PLCL2: variants seen among roughly 807,000 people sequenced by gnomAD.
PLCL2 encodes phospholipase C like 2, also known as inactive phospholipase C-like protein 2.
PLCL2 carries 4 observed loss-of-function variants against 79.6 expected under a neutral mutation model. The ratio of observed to expected loss-of-function variants is 0.05; its 90% CI spans 0.02 to 0.11. The LOEUF is 0.11. Ranked by LOEUF, PLCL2 falls within the 10% of genes least tolerant of loss-of-function variation. The pLI is 1.00. For missense variants in PLCL2, 895 were observed against 1,291.0 expected (o/e 0.69, Z 4.70); for synonymous variants, 484 against 457.7 (o/e 1.06, Z -0.73).
chr3:17,033,743 C>T (rs1389685334), intron 3 of PLCL2, among the ~76,000 whole-genome samples: 1 of 152,196 alleles, frequency 6.6e-6, no homozygotes, highest in Non-Finnish European at 1.5e-5. Context: ...AGCTGCAACT[C>T]CTCCAACACC....
In PLCL2 at chr3:16,885,162, C is replaced by T. The variant is rs1410620003; in HGVS notation, c.123C>T (p.Arg41=). The change falls in exon 1 of 6, where the codon CGC becomes CGT. Residue 41 remains arginine (R), a synonymous_variant. Transcript: ENST00000615277. ...GVGEGGGGGG[R]LGHGRARYDS... ...GGGAAGGCGGTGGCGGGGGAGGTCG[C>T]CTCGGCCACGGGCGGGCGCGCTATG... is the stretch of plus-strand genomic sequence containing the variant. 5 of 530,698 alleles carry T rather than the reference C, an allele frequency of 9.4e-6. No individual in the cohort carries two copies. Among genetic ancestry groups the T allele is most frequent in the East Asian group, 3.5e-5 (1 of 28,598 alleles). The allele number at this position is 530,698 out of a possible 1,614,324, so 32.9% of individuals were successfully genotyped here. A position where few individuals can be genotyped will look rare whatever the true frequency, so the allele number is the denominator to read the frequency against.
At chr3:16,945,791 A>C (rs1256355227) in intron 1 of PLCL2, among the ~76,000 whole-genome samples, 2 of 152,244 alleles carry the variant, frequency 1.3e-5, no homozygotes, top group African/African-American at 4.8e-5. Flanking sequence ...GCAAATTTGT[A>C]GACCCTGGGG....
chr3:17,029,907 T>C (rs2064562795), intron 3 of PLCL2, among the ~76,000 whole-genome samples: 1 of 152,158 alleles, frequency 6.6e-6, no homozygotes, highest in African/African-American at 2.4e-5. Flanking sequence ...ACAGAAGATA[T>C]TCCCTGGCAT....
At chr3:16,956,902 T>C (rs1285215123) in intron 1 of PLCL2, among the ~76,000 whole-genome samples, 1 of 152,210 alleles carries the variant, frequency 6.6e-6, no homozygotes, top group African/African-American at 2.4e-5. Flanking sequence ...TTATTGCATC[T>C]ATTTGATTCT....
chr3:16,910,010 C>G (rs998899547), intron 1 of PLCL2, among the ~76,000 whole-genome samples: 1 of 152,162 alleles, frequency 6.6e-6, no homozygotes, highest in African/African-American at 2.4e-5. Flanking sequence ...CTGATCTCTC[C>G]ATCCACACAA....
At chr3:16,975,010 T>A (rs2063909703) in intron 1 of PLCL2, among the ~76,000 whole-genome samples, 1 of 152,206 alleles carries the variant, frequency 6.6e-6, no homozygotes, top group African/African-American at 2.4e-5. Context: ...TACAGGCTTC[T>A]AAGGTGAGCT....
At chr3:17,056,856 A>G (rs1225501703) in intron 4 of PLCL2, among the ~76,000 whole-genome samples, 1 of 152,216 alleles carries the variant, frequency 6.6e-6, no homozygotes, top group Admixed American at 6.5e-5. Context: ...TTTTGTTGTT[A>G]GGAAAGGAGG....
At chr3:16,933,819 G>A (rs1697469970) in intron 1 of PLCL2, among the ~76,000 whole-genome samples, 1 of 152,026 alleles carries the variant, frequency 6.6e-6, no homozygotes, top group Non-Finnish European at 1.5e-5. Context: ...TGTAATCCCA[G>A]CTCTCTTGGA....
intron 1 of PLCL2, among the ~76,000 whole-genome samples, chr3:16,944,572 C>T (rs1368381960): frequency 2.6e-5 from 4 of 152,052 alleles, no homozygotes; most frequent in African/African-American, 9.7e-5. Context: ...TTAGCACAGG[C>T]ACACAGAGAT....
rs1234896739 is a variant in PLCL2, at chr3:16,885,137, G to A, written c.98G>A (p.Gly33Glu). ...GAKGALKAGV[G>E]EGGGGGGRLG... The stretch of plus-strand genomic sequence containing the variant: ...AAGGGCGCCCTGAAAGCCGGAGTGG[G>A]GGAAGGCGGTGGCGGGGGAGGTCGC... Residue 33 changes from glycine to glutamate, a missense_variant, in exon 1 of 6, where the codon GGG (glycine) becomes GAG (glutamate). Physicochemically the swap from Gly to Glu is moderately conservative, Grantham distance 98. Around this residue, in one of 6 missense-constraint regions of PLCL2, gnomAD observed 110 missense variants for 42.9 expected, o/e 2.56. Coordinates refer to ENST00000615277, the MANE Select transcript of PLCL2 (RefSeq NM_001144382.2). The A allele has an allele frequency of 3.9e-6, 2 of 506,496 alleles. No homozygotes were observed. The highest frequency in any genetic ancestry group is 2.6e-5 in the South Asian group (1 of 38,478). 31.4% of individuals were successfully genotyped at this position (506,496 alleles called of 1,614,324 possible).
At chr3:16,894,339 C>T (rs894372456) in intron 1 of PLCL2, among the ~76,000 whole-genome samples, 1 of 152,106 alleles carries the variant, frequency 6.6e-6, no homozygotes, top group Non-Finnish European at 1.5e-5. Flanking sequence ...AGAATGTCTT[C>T]ATCTGTGGAG....
chr3:17,054,072 C>T (rs1217514494), intron 4 of PLCL2, among the ~76,000 whole-genome samples: 2 of 152,154 alleles, frequency 1.3e-5, no homozygotes, highest in African/African-American at 4.8e-5. Flanking sequence ...GGTCATTTCT[C>T]TTCCTGTGCA....
chr3:17,085,808 C>T (rs2065213674), intron 5 of PLCL2, among the ~76,000 whole-genome samples: 2 of 152,116 alleles, frequency 1.3e-5, no homozygotes, highest in South Asian at 4.1e-4. Flanking sequence ...AAACACATGA[C>T]CATTTACATT....
chr3:17,075,530 C>A (rs867931998), intron 5 of PLCL2, among the ~76,000 whole-genome samples: 4 of 133,762 alleles, frequency 3.0e-5, no homozygotes, highest in South Asian at 2.4e-4. Flanking sequence ...AAGGTTGCCA[C>A]AAACCTTCAA....
At chr3:16,965,710 G>A (rs906075657) in intron 1 of PLCL2, among the ~76,000 whole-genome samples, 2 of 152,108 alleles carry the variant, frequency 1.3e-5, no homozygotes, top group Non-Finnish European at 2.9e-5. Flanking sequence ...GCAGTGGTTT[G>A]TAGTTCTCCT....
chr3:16,929,090 A>T (rs372219345), intron 1 of PLCL2, among the ~76,000 whole-genome samples: 112,823 of 112,824 alleles, frequency 1, 56,411 homozygotes, highest in Non-Finnish European at 1. Context: ...GCCGCAGCAT[A>T]GAGAAGAGTA....
chr3:16,916,054 T>G (rs188566120), intron 1 of PLCL2, among the ~76,000 whole-genome samples: 103 of 152,308 alleles, frequency 6.8e-4, no homozygotes, highest in Admixed American at 1.2e-3. Context: ...CCCATAATCT[T>G]AAAAAGCATT....
At chr3:17,028,623 C>T (rs1000554020) in intron 3 of PLCL2, among the ~76,000 whole-genome samples, 4 of 151,940 alleles carry the variant, frequency 2.6e-5, no homozygotes, top group South Asian at 2.1e-4. Flanking sequence ...ACTACAGGCA[C>T]GCACCAGCAT....
intron 4 of PLCL2, among the ~76,000 whole-genome samples, chr3:17,050,799 A>G (rs1484912618): frequency 1.3e-5 from 2 of 152,334 alleles, no homozygotes; most frequent in East Asian, 1.9e-4. Context: ...TGCTGCATGT[A>G]TACCCAAAAG....
Sources: gnomAD v4.1 joint callset for allele counts (sites outside exome capture counted in the v4.1 genomes callset) on GRCh38, gnomAD v4.1.1 for gene constraint, gnomAD v4.1.1 regional missense constraint, MANE v1.5 for transcripts, NCBI Gene and HGNC (gene_info 2026-07-23, HGNC 2026-07-21) for gene names.